TBX5: variants seen among roughly 807,000 people sequenced by gnomAD.
The protein encoded by TBX5 is T-box transcription factor TBX5.
A neutral mutation model predicts 51.1 loss-of-function variants in TBX5; 8 were observed. The observed-to-expected ratio is 0.16, with a 90% CI of 0.09 to 0.28. The LOEUF (loss-of-function observed/expected upper bound fraction) is 0.28. TBX5 is among the 10% of genes least tolerant of loss of function. TBX5 has a pLI of 1.00. For missense variants in TBX5, 589 were observed against 671.7 expected, an observed-to-expected ratio of 0.88 and a Z score of 1.36; for synonymous variants, 302 against 266.4, an observed-to-expected ratio of 1.13 and a Z score of -1.30.
In TBX5 at chr12:114,403,903, C is replaced by A. The variant is rs755664220; in HGVS notation, c.-5G>T. 1 of 1,611,036 alleles carries A rather than the reference C, an allele frequency of 6.2e-7. No individual in the cohort carries two copies. Among genetic ancestry groups the A allele is most frequent in the East Asian group, 2.2e-5 (1 of 44,834 alleles). On this transcript the variant is annotated 5_prime_UTR_variant, in exon 2 of 9. Coordinates refer to ENST00000405440, the MANE Select transcript of TBX5 (RefSeq NM_181486.4). ...GCCCTCGTCTGCGTCGGCCATGGTG[C>A]GCCCAGGGCCCTGTGCCCGCGCAAG... is the stretch of plus-strand genomic sequence containing the variant.
intron 7 of TBX5, among the ~76,000 whole-genome samples, chr12:114,380,697 G>A (rs11067091): frequency 0.027 from 4,068 of 152,242 alleles, 121 homozygotes; most frequent in East Asian, 0.15. Flanking sequence ...GGGCATGGTG[G>A]TATGCACCTG....
At chr12:114,387,148 C>T (rs1278109693) in intron 6 of TBX5, among the ~76,000 whole-genome samples, 1 of 151,946 alleles carries the variant, frequency 6.6e-6, no homozygotes, top group Admixed American at 6.6e-5. Flanking sequence ...ACAAAAAACA[C>T]TTTCTCTGTG....
rs1470106950 is a variant in TBX5, at chr12:114,355,835, C to T, written c.1254G>A (p.Met418Ile). 1.2e-6 allele frequency: 2 copies of T among 1,614,008 alleles called. No homozygotes were observed. Among genetic ancestry groups the T allele is most frequent in the Non-Finnish European group, 1.7e-6 (2 of 1,180,040 alleles). The change falls in exon 9 of 9, where the codon ATG (methionine) becomes ATA (isoleucine). Residue 418 changes from methionine (M) to isoleucine (I), a missense_variant. By Grantham distance (10) the Met-to-Ile change is conservative (BLOSUM62 1). Around this residue, in one of 7 missense-constraint regions of TBX5, gnomAD observed 348 missense variants for 360.4 expected, o/e 0.97. Coordinates refer to ENST00000405440, the MANE Select transcript of TBX5 (RefSeq NM_181486.4). The part of the protein sequence containing the change: ...SSCTVTTVQP[M>I]DRLPYQHFSA... ...AGAAGTGCTGGTAGGGTAGCCTGTC[C>T]ATGGGCTGCACGGTGGTGACGGTGC...
intron 7 of TBX5, among the ~76,000 whole-genome samples, chr12:114,384,745 A>C (rs202037875): frequency 9.6e-5 from 11 of 115,170 alleles, no homozygotes; most frequent in Admixed American, 8.5e-4. Context: ...ACACACACAC[A>C]ACACACACAC....
intron 6 of TBX5, 97 bp downstream of exon 6, chr12:114,394,644 A>G: frequency 6.4e-7 from 1 of 1,565,164 alleles, no homozygotes; most frequent in Non-Finnish European, 8.8e-7. Flanking sequence ...GACTGCTGCC[A>G]TTCAGAGGAG....
In TBX5 at chr12:114,394,965, C is replaced by T. The variant is rs374041298; in HGVS notation, c.511-72G>A. The T allele has an allele frequency of 4.0e-6, 6 of 1,516,264 alleles. No individual in the cohort carries two copies. The East Asian group carries it at 1.1e-4, about 28-fold the overall frequency. The allele number at this position is 1,516,264 out of a possible 1,614,324, so 93.9% of individuals were successfully genotyped here. ...TTTGTCTCCAGATAAAACCCTGCTC[C>T]CCGCCCTCTAAATTCGCCTTGTTAT... On this transcript the variant is annotated intron_variant, in intron 5 of 8. Transcript: ENST00000405440.
chr12:114,363,038 G>A (rs1869329224), intron 8 of TBX5, among the ~76,000 whole-genome samples: 1 of 152,212 alleles, frequency 6.6e-6, no homozygotes, highest in Admixed American at 6.5e-5. Context: ...AGCTTCACAA[G>A]GGCAGGCCTG....
At chr12:114,357,111 T>C (rs1868968712) in intron 8 of TBX5, among the ~76,000 whole-genome samples, 1 of 152,220 alleles carries the variant, frequency 6.6e-6, no homozygotes, top group Non-Finnish European at 1.5e-5. Flanking sequence ...TATGTAAGCA[T>C]GTGCCTAGTT....
chr12:114,379,390 ACTTC>A (rs1870381858), intron 7 of TBX5, among the ~76,000 whole-genome samples: 1 of 152,104 alleles, frequency 6.6e-6, no homozygotes, highest in Non-Finnish European at 1.5e-5. Flanking sequence ...GGAAGTGTAT[ACTTC>A]CTTCCTCTGC....
upstream of TBX5, among the ~76,000 whole-genome samples, chr12:114,406,257 G>A (rs1384627295): frequency 8.8e-6 from 1 of 113,076 alleles, no homozygotes; most frequent in East Asian, 3.0e-4. Context: ...TAGATTTCCC[G>A]AACACTCAAA....
chr12:114,385,890 G>A (rs1302193186), intron 6 of TBX5, among the ~76,000 whole-genome samples: 2 of 150,204 alleles, frequency 1.3e-5, no homozygotes, highest in Non-Finnish European at 2.9e-5. Flanking sequence ...CACCATCTAG[G>A]CCTCAATACT....
intron 6 of TBX5, among the ~76,000 whole-genome samples, chr12:114,386,113 C>T (rs1035471171): frequency 6.6e-5 from 10 of 152,026 alleles, no homozygotes; most frequent in Non-Finnish European, 7.4e-5. Context: ...GAAAATGGTG[C>T]CTAATGAAAT....
chr12:114,406,967 A>G (rs997450262), upstream of TBX5: 2 of 774,910 alleles, frequency 2.6e-6, no homozygotes, highest in African/African-American at 3.8e-5. Context: ...AGTAAATGTC[A>G]GGAGTCCTGT....
chr12:114,400,186 G>C (rs1468099844), intron 3 of TBX5, among the ~76,000 whole-genome samples: 1 of 152,154 alleles, frequency 6.6e-6, no homozygotes, highest in Non-Finnish European at 1.5e-5. Flanking sequence ...GGAAGGCCGC[G>C]GTTCCCAGTA....
chr12:114,401,944 C>G (rs760135488), intron 2 of TBX5, 24 bp from the exon 3 acceptor site: 24 of 1,606,426 alleles, frequency 1.5e-5, no homozygotes, highest in Non-Finnish European at 1.8e-5. Flanking sequence ...AAAAAAGTCA[C>G]ACTAACAAGC....
intron 3 of TBX5, among the ~76,000 whole-genome samples, 172 bp from the exon 4 acceptor site, chr12:114,399,804 G>A (rs1175373071): frequency 6.6e-6 from 1 of 152,168 alleles, no homozygotes; most frequent in Non-Finnish European, 1.5e-5. Context: ...AAGTTATAGG[G>A]AGGAGAAAGG....
chr12:114,399,882 T>G (rs552203759), intron 3 of TBX5, among the ~76,000 whole-genome samples: 6 of 152,292 alleles, frequency 3.9e-5, no homozygotes, highest in African/African-American at 1.2e-4. Flanking sequence ...CCAGGACGCA[T>G]GCGCCTCTAG....
intron 6 of TBX5, among the ~76,000 whole-genome samples, chr12:114,392,161 G>A (rs1871182474): frequency 7.4e-6 from 1 of 135,320 alleles, no homozygotes; most frequent in Non-Finnish European, 1.5e-5. Context: ...TCAGACACAC[G>A]ATTCCCTGGA....
intron 3 of TBX5, among the ~76,000 whole-genome samples, chr12:114,400,113 G>T (rs1204935507): frequency 2.0e-5 from 3 of 152,290 alleles, no homozygotes; most frequent in South Asian, 4.1e-4. Context: ...CCCCAGAGAT[G>T]CACACGCGTG....
Sources: allele counts gnomAD v4.1 joint callset (sites outside exome capture counted in the v4.1 genomes callset), GRCh38; gene constraint gnomAD v4.1.1; regional missense constraint gnomAD v4.1.1; transcripts MANE v1.5; gene names NCBI Gene and HGNC (gene_info 2026-07-23, HGNC 2026-07-21).